Variants in GALNT18 observed in about 807,000 individuals in gnomAD.
GALNT18 encodes the protein polypeptide N-acetylgalactosaminyltransferase 18, also known as GalNAc-transferase 18.
GALNT18 carries 44 observed loss-of-function variants against 69.5 expected under a neutral mutation model. That is an observed-to-expected ratio of 0.63 (90% CI 0.50 to 0.81). The LOEUF (loss-of-function observed/expected upper bound fraction) is 0.81. Ranked by LOEUF, GALNT18 falls within the 40% of genes least tolerant of loss-of-function variation. The probability of loss-of-function intolerance (pLI) is 0.00; values close to 1 mark genes in which losing one functional copy is unlikely to be tolerated. For missense variants in GALNT18, 715 were observed against 810.0 expected, an observed-to-expected ratio of 0.88 and a Z score of 1.42; for synonymous variants, 364 against 318.2, an observed-to-expected ratio of 1.14 and a Z score of -1.53.
At chr11:11,407,097 T>G (rs1200986499) in intron 3 of GALNT18, among the ~76,000 whole-genome samples, 1 of 152,186 alleles carries the variant, frequency 6.6e-6, no homozygotes, top group Non-Finnish European at 1.5e-5. Context: ...CCTAATGGAT[T>G]TAAACCAGCA....
At chr11:11,321,967 T>A (rs1849848006) in intron 9 of GALNT18, among the ~76,000 whole-genome samples, 1 of 152,082 alleles carries the variant, frequency 6.6e-6, no homozygotes, top group Non-Finnish European at 1.5e-5. Flanking sequence ...TCAAGGAGAG[T>A]CAGTCCAGGG....
rs138778281 is a variant in GALNT18, at chr11:11,349,138, CTTCA to C, written c.1093-8138_1093-8135del. Reference sequence around the variant, plus strand: ...TACACATCCTGCAACTTGCTTCTTGCTTCATTTATTTTCATCACCATAGTGTTCC... The same window carrying C: ...TACACATCCTGCAACTTGCTTCTTGCTTTATTTTCATCACCATAGTGTTCC... On this transcript the variant is annotated intron_variant, in intron 6 of 10. Coordinates refer to ENST00000227756, the MANE Select transcript of GALNT18 (RefSeq NM_198516.3). Among the ~76,000 whole-genome samples, 8 of 152,284 alleles carry C rather than the reference CTTCA, an allele frequency of 5.3e-5. No homozygotes were observed. In the East Asian group the frequency reaches 1.2e-3, roughly 22 times the overall value.
chr11:11,353,353 G>A (rs1479840025), intron 6 of GALNT18: 23 of 600,012 alleles, frequency 3.8e-5, no homozygotes, highest in Non-Finnish European at 2.9e-6. Context: ...TCTAATCTGA[G>A]AGTCATTTTT....
intron 10 of GALNT18, among the ~76,000 whole-genome samples, chr11:11,284,296 C>T (rs1449521807): frequency 2.0e-5 from 3 of 152,208 alleles, no homozygotes; most frequent in South Asian, 4.1e-4. Context: ...ACTGACTGGC[C>T]TGTTCCTCCT....
rs1261187558 is a variant in GALNT18 at position 11,555,273 on chromosome 11, T to C, written c.235+66086A>G. Among the ~76,000 whole-genome samples, 2 of 152,168 alleles carry C rather than the reference T, an allele frequency of 1.3e-5. No individual in the cohort carries two copies. The highest frequency in any genetic ancestry group is 2.9e-5 in the Non-Finnish European group (2 of 68,026). ...AGCCCCTCTCTGACAGCCAACAGGC[T>C]GCAGGGTTCTCTGTTTTCAGGAGAT... On this transcript the variant is annotated intron_variant, in intron 1 of 10. Coordinates refer to ENST00000227756, the MANE Select transcript of GALNT18 (RefSeq NM_198516.3). This position sits in a 1 kb window ranked among gnomAD's most constrained non-coding sequence, Gnocchi z 4.7.
chr11:11,393,353 G>A (rs1224572857), intron 3 of GALNT18, among the ~76,000 whole-genome samples: 1 of 152,252 alleles, frequency 6.6e-6, no homozygotes, highest in Non-Finnish European at 1.5e-5. Flanking sequence ...CTTGAGTCTG[G>A]TTAGGCTGCT....
At position 11,317,623 on chromosome 11, in the gene GALNT18, T is replaced by C. The variant is rs118139662; in HGVS notation, c.1512+9463A>G. On this transcript the variant is annotated intron_variant, in intron 9 of 10. Coordinates refer to ENST00000227756, the MANE Select transcript of GALNT18 (RefSeq NM_198516.3). ...TTGAGTTGTTTAAGTTCCTTATAGA[T>C]TCTGGATAGCAGATCTTTATCAGAT... 1.8e-4 allele frequency among the ~76,000 whole-genome samples: 28 copies of C among 152,372 alleles called. No homozygotes were observed. The East Asian group carries it at 4.4e-3, about 24-fold the overall frequency.
chr11:11,475,267 AC>A (rs1369246560), intron 1 of GALNT18: 5 of 152,220 alleles, frequency 3.3e-5, no homozygotes, highest in African/African-American at 1.2e-4. Context: ...CATTACAGTG[AC>A]TGCATCTCAA....
At chr11:11,544,556 C>A (rs1239974589) in intron 1 of GALNT18, among the ~76,000 whole-genome samples, 1 of 151,522 alleles carries the variant, frequency 6.6e-6, no homozygotes, top group Non-Finnish European at 1.5e-5. Flanking sequence ...CATCACAATT[C>A]CTTTTTATTT....
rs1857888995 is a variant in GALNT18 at position 11,540,452 on chromosome 11, C to T, written c.235+80907G>A. On this transcript the variant is annotated intron_variant, in intron 1 of 10. Transcript: ENST00000227756. This position sits in a 1 kb window ranked among gnomAD's most constrained non-coding sequence, Gnocchi z 4.6. The stretch of plus-strand genomic sequence containing the variant: ...GGGCTGGCAGAGCTGCAGGTGATAC[C>T]TTGCCAATAGGAGACACGGCTGTTC... Among the ~76,000 whole-genome samples, 1 of 152,114 alleles carries T rather than the reference C, an allele frequency of 6.6e-6. No homozygotes were observed. The highest frequency in any genetic ancestry group is 6.6e-5 in the Admixed American group (1 of 15,264).
chr11:11,522,313 G>A (rs1191819172), intron 1 of GALNT18, among the ~76,000 whole-genome samples: 1 of 152,154 alleles, frequency 6.6e-6, no homozygotes. Context: ...AAGCTTCCCT[G>A]CATCCCATCC....
rs1438220578 is a variant in GALNT18, at chr11:11,436,271, A to G, written c.429-3484T>C. The stretch of plus-strand genomic sequence containing the variant: ...CAGAATAAGGAAATGGGAAGAAAGG[A>G]TCACTCAGATGGCTTCTCTCCACAA... On this transcript the variant is annotated intron_variant, in intron 2 of 10. Transcript: ENST00000227756. This position sits in a 1 kb window ranked among gnomAD's most constrained non-coding sequence, Gnocchi z 4.5. Among the ~76,000 whole-genome samples the G allele has an allele frequency of 6.6e-6, 1 of 152,190 alleles. No homozygotes were observed. Among genetic ancestry groups the G allele is most frequent in the Non-Finnish European group, 1.5e-5 (1 of 68,030 alleles).
intron 1 of GALNT18, among the ~76,000 whole-genome samples, chr11:11,502,972 C>T (rs1367531376): frequency 6.6e-6 from 1 of 152,178 alleles, no homozygotes; most frequent in African/African-American, 2.4e-5. Flanking sequence ...GCCCAGATTG[C>T]AGTTCCCGTC....
At chr11:11,310,150 C>T (rs1849644944) in intron 9 of GALNT18, among the ~76,000 whole-genome samples, 1 of 152,162 alleles carries the variant, frequency 6.6e-6, no homozygotes. Flanking sequence ...TTCTCACTGC[C>T]ATGTCCTCCC....
intron 1 of GALNT18, among the ~76,000 whole-genome samples, chr11:11,483,742 C>A (rs74723235): frequency 0.016 from 2,450 of 152,278 alleles, 71 homozygotes; most frequent in African/African-American, 0.055. Context: ...CCCTTGGTGA[C>A]GCTAATGAGC....
At chr11:11,317,450 A>G (rs1368001451) in intron 9 of GALNT18, among the ~76,000 whole-genome samples, 1 of 152,206 alleles carries the variant, frequency 6.6e-6, no homozygotes, top group African/African-American at 2.4e-5. Context: ...GTGAGATGGT[A>G]TCTCATGGTG....
chr11:11,590,073 A>G lies in GALNT18; in HGVS notation c.235+31286T>C, dbSNP rs546790974. ...GTGATATTCAAATATGTAATAACCA[A>G]TGCAGCATGGTCATGTGGCAGACAC... On this transcript the variant is annotated intron_variant, in intron 1 of 10. Coordinates refer to ENST00000227756, the MANE Select transcript of GALNT18 (RefSeq NM_198516.3). This position sits in a 1 kb window ranked among gnomAD's most constrained non-coding sequence, Gnocchi z 4.4. Among the ~76,000 whole-genome samples the G allele has an allele frequency of 2.0e-4, 31 of 152,332 alleles. No homozygotes were observed. The highest frequency in any genetic ancestry group is 7.5e-4 in the African/African-American group (31 of 41,580).
chr11:11,418,801 C>T (rs1854924576), intron 3 of GALNT18, among the ~76,000 whole-genome samples: 1 of 152,192 alleles, frequency 6.6e-6, no homozygotes, highest in African/African-American at 2.4e-5. Context: ...CAGGGTTGGT[C>T]TCTAGGCATT....
intron 3 of GALNT18, among the ~76,000 whole-genome samples, chr11:11,418,030 A>T (rs1315237481): frequency 6.6e-6 from 1 of 152,238 alleles, no homozygotes; most frequent in Non-Finnish European, 1.5e-5. Context: ...CCTGCGAGGA[A>T]GACATGTATT....
Sources: gnomAD v4.1 joint callset for allele counts (sites outside exome capture counted in the v4.1 genomes callset) on GRCh38, gnomAD v4.1.1 for gene constraint, Gnocchi (gnomAD v3.1) non-coding constraint, MANE v1.5 for transcripts, NCBI Gene and HGNC (gene_info 2026-07-23, HGNC 2026-07-21) for gene names.